ROBO2: variants seen among roughly 807,000 people sequenced by gnomAD.
The protein encoded by ROBO2 is roundabout guidance receptor 2.
Under a neutral mutation model 160.8 loss-of-function variants are expected in ROBO2, and 53 were observed. That is an observed-to-expected ratio of 0.33 (90% CI 0.26 to 0.41). The LOEUF is 0.41. Among genes scored for constraint, ROBO2 ranks in the 10% least tolerant of loss-of-function variants. ROBO2 has a pLI of 1.00. For synonymous variants in ROBO2, 664 were observed against 611.7 expected, an observed-to-expected ratio of 1.09 and a Z score of -1.26; for missense variants, 1,577 against 1,722.4, an observed-to-expected ratio of 0.92 and a Z score of 1.49.
At chr3:76,403,734 A>G (rs1383997085) in intron 2 of ROBO2, among the ~76,000 whole-genome samples, 1 of 151,582 alleles carries the variant, frequency 6.6e-6, no homozygotes, top group Non-Finnish European at 1.5e-5. Flanking sequence ...ATTGAGGGGG[A>G]GTGATTGTGA....
intron 2 of ROBO2, among the ~76,000 whole-genome samples, chr3:76,566,368 C>A (rs938532466): frequency 6.6e-6 from 1 of 152,162 alleles, no homozygotes; most frequent in East Asian, 1.9e-4. Flanking sequence ...AGAGGCCTTA[C>A]GGTCTCCCTA....
At chr3:76,582,009 A>G (rs1043507617) in intron 2 of ROBO2, among the ~76,000 whole-genome samples, 2 of 152,178 alleles carry the variant, frequency 1.3e-5, no homozygotes, top group African/African-American at 4.8e-5. Context: ...TGAAGAAGAC[A>G]CAAAACTTGG....
chr3:77,265,983 T>G (rs2059095932), intron 2 of ROBO2, among the ~76,000 whole-genome samples: 1 of 152,128 alleles, frequency 6.6e-6, no homozygotes, highest in Non-Finnish European at 1.5e-5. Flanking sequence ...CTCTTAATTT[T>G]GGGGGGTGCA....
At chr3:76,485,946 G>A (rs1362050434) in intron 2 of ROBO2, among the ~76,000 whole-genome samples, 1 of 152,154 alleles carries the variant, frequency 6.6e-6, no homozygotes, top group Non-Finnish European at 1.5e-5. Context: ...AAACATGGAA[G>A]AAAGAAAATG....
intron 2 of ROBO2, among the ~76,000 whole-genome samples, chr3:77,260,842 G>A (rs1422812045): frequency 1.3e-5 from 2 of 152,240 alleles, no homozygotes; most frequent in Middle Eastern, 3.4e-3. Flanking sequence ...CCCGACACTC[G>A]TTCTGCCCCA....
At chr3:77,001,224 G>T (rs182656301) in intron 2 of ROBO2, among the ~76,000 whole-genome samples, 1 of 152,106 alleles carries the variant, frequency 6.6e-6, no homozygotes, top group Admixed American at 6.6e-5. Context: ...TAAAGCAGAC[G>T]CATTTTCAAG....
At chr3:77,394,969 T>C (rs2075124900) in intron 2 of ROBO2, among the ~76,000 whole-genome samples, 1 of 152,174 alleles carries the variant, frequency 6.6e-6, no homozygotes, top group Non-Finnish European at 1.5e-5. Flanking sequence ...ATAGGCCCAG[T>C]ATTTCTCCAT....
At chr3:76,790,434 A>G (rs1359391518) in intron 2 of ROBO2, among the ~76,000 whole-genome samples, 1 of 151,820 alleles carries the variant, frequency 6.6e-6, no homozygotes, top group East Asian at 1.9e-4. Flanking sequence ...CACTAGTGCT[A>G]ATTGAACTAC....
intron 1 of ROBO2, among the ~76,000 whole-genome samples, chr3:77,041,872 A>G (rs369248137): frequency 4.6e-5 from 7 of 152,152 alleles, no homozygotes; most frequent in African/African-American, 1.7e-4. Context: ...AAGAACCTAA[A>G]GGGTATTAGT....
rs2093330519 is a variant in ROBO2 at position 76,713,361 on chromosome 3, C to A, written c.110-384653C>A. ...CTAGTTTTAATCAGTGATTCCCATA[C>A]AATGATTCCTTTATGCATTTTAAAA... On this transcript the variant is annotated intron_variant, in intron 2 of 26. Coordinates refer to the ROBO2 transcript ENST00000487694. Among the ~76,000 whole-genome samples, 4 of 152,094 alleles carry A rather than the reference C, an allele frequency of 2.6e-5. No homozygotes were observed. In the South Asian group the frequency reaches 8.3e-4, roughly 31 times the overall value.
chr3:77,617,092 A>G (rs1234890635), intron 21 of ROBO2, among the ~76,000 whole-genome samples: 1 of 150,760 alleles, frequency 6.6e-6, no homozygotes, highest in African/African-American at 2.5e-5. Context: ...AAATTCTCCA[A>G]TACTTCTTAG....
chr3:76,489,827 T>A (rs1442847250), intron 2 of ROBO2, among the ~76,000 whole-genome samples: 5 of 152,048 alleles, frequency 3.3e-5, no homozygotes, highest in Non-Finnish European at 5.9e-5. Context: ...CATTTTAATA[T>A]TTTAATGAGG....
At chr3:77,456,281 A>G (rs529564988) in intron 2 of ROBO2, among the ~76,000 whole-genome samples, 104 of 152,336 alleles carry the variant, frequency 6.8e-4, no homozygotes, top group Non-Finnish European at 1.3e-3. Context: ...CTAAGTGTGA[A>G]CAGGAGTTGC....
intron 2 of ROBO2, among the ~76,000 whole-genome samples, chr3:76,261,559 C>G (rs1283317622): frequency 1.3e-5 from 2 of 151,814 alleles, no homozygotes; most frequent in Admixed American, 1.3e-4. Flanking sequence ...CCCAAGTTGA[C>G]TCTAAGGGAT....
chr3:77,621,140 G>C (rs1161331144), intron 22 of ROBO2, among the ~76,000 whole-genome samples: 2 of 152,096 alleles, frequency 1.3e-5, no homozygotes, highest in Non-Finnish European at 2.9e-5. Context: ...TCTAAAGAAG[G>C]TTGGGCCAAG....
At chr3:77,332,398 C>T (rs1333939013) in intron 2 of ROBO2, among the ~76,000 whole-genome samples, 1 of 152,084 alleles carries the variant, frequency 6.6e-6, no homozygotes, top group Non-Finnish European at 1.5e-5. Context: ...TCTGTAGGTA[C>T]ATTTTACAGA....
intron 2 of ROBO2, among the ~76,000 whole-genome samples, chr3:76,876,019 C>A (rs1174116169): frequency 2.0e-5 from 3 of 151,918 alleles, no homozygotes; most frequent in African/African-American, 7.3e-5. Flanking sequence ...GCATAATGCC[C>A]CATCTCAAGA....
At chr3:76,634,336 G>A (rs887270668) in intron 2 of ROBO2, among the ~76,000 whole-genome samples, 3 of 152,292 alleles carry the variant, frequency 2.0e-5, no homozygotes, top group Admixed American at 1.3e-4. Flanking sequence ...GGGAAGCCGA[G>A]GCAGGCAGAT....
intron 2 of ROBO2, among the ~76,000 whole-genome samples, chr3:77,262,577 C>G (rs2058844047): frequency 6.6e-6 from 1 of 152,004 alleles, no homozygotes; most frequent in African/African-American, 2.4e-5. Flanking sequence ...AGGGCCCCAG[C>G]TTCAAGTTGA....
Sources: allele counts gnomAD v4.1 joint callset (sites outside exome capture counted in the v4.1 genomes callset), GRCh38; gene constraint gnomAD v4.1.1; transcripts MANE v1.5; gene names NCBI Gene and HGNC (gene_info 2026-07-23, HGNC 2026-07-21).